Variants in ARHGAP10 observed in about 807,000 individuals in gnomAD.
ARHGAP10 encodes the protein Rho GTPase activating protein 10.
In ARHGAP10, 87 loss-of-function variants were observed where a neutral mutation model predicts 108.6. The ratio of observed to expected loss-of-function variants is 0.80; its 90% confidence interval spans 0.67 to 0.96. The LOEUF (loss-of-function observed/expected upper bound fraction) is 0.96, where lower values mean the gene tolerates loss of function less well. Ranked by LOEUF, ARHGAP10 falls within the 40% of genes least tolerant of loss-of-function variation. The pLI, the probability that ARHGAP10 is intolerant of heterozygous loss-of-function variation, is 0.00. For missense variants in ARHGAP10, 939 were observed against 954.5 expected, an observed-to-expected ratio of 0.98 and a Z score of 0.21; for synonymous variants, 347 against 341.1, an observed-to-expected ratio of 1.02 and a Z score of -0.19.
At chr4:147,973,254 A>G (rs901963237) in intron 18 of ARHGAP10, among the ~76,000 whole-genome samples, 2 of 152,222 alleles carry the variant, frequency 1.3e-5, no homozygotes, top group African/African-American at 2.4e-5. Context: ...TGAGTTTTAC[A>G]TGGCTCACTG....
chr4:147,906,453 C>G (rs1490826525), intron 10 of ARHGAP10, among the ~76,000 whole-genome samples, 185 bp from the exon 11 acceptor site: 1 of 152,024 alleles, frequency 6.6e-6, no homozygotes, highest in Non-Finnish European at 1.5e-5. Context: ...GGTTATGTAA[C>G]ATTGTGAACA....
chr4:147,907,038 C>T (rs1269709666), intron 11 of ARHGAP10, among the ~76,000 whole-genome samples: 3 of 152,078 alleles, frequency 2.0e-5, no homozygotes, highest in African/African-American at 7.2e-5. Context: ...ACAATAAATG[C>T]CTGCAATGCA....
intron 1 of ARHGAP10, among the ~76,000 whole-genome samples, chr4:147,774,929 G>A (rs1730225904): frequency 6.7e-6 from 1 of 148,564 alleles, no homozygotes; most frequent in African/African-American, 2.5e-5. Flanking sequence ...TTTTTGAGAC[G>A]GAGTTTCGCC....
intron 1 of ARHGAP10, among the ~76,000 whole-genome samples, chr4:147,751,120 A>T (rs1439839512): frequency 6.6e-6 from 1 of 151,518 alleles, no homozygotes; most frequent in Non-Finnish European, 1.5e-5. Flanking sequence ...CAGAGGTTGC[A>T]GTGAGCCCAG....
intron 1 of ARHGAP10, among the ~76,000 whole-genome samples, chr4:147,809,547 G>A (rs1379563523): frequency 4.6e-5 from 7 of 152,166 alleles, no homozygotes; most frequent in Admixed American, 2.6e-4. Flanking sequence ...AAGCTCAGAA[G>A]CATTGTCACC....
chr4:147,781,394 G>A (rs148741613), intron 1 of ARHGAP10, among the ~76,000 whole-genome samples: 1 of 152,240 alleles, frequency 6.6e-6, no homozygotes, highest in African/African-American at 2.4e-5. Context: ...GCTGGACCTG[G>A]CAAGCCAGGA....
chr4:147,900,327 A>G (rs1678019581), intron 10 of ARHGAP10, among the ~76,000 whole-genome samples: 1 of 152,238 alleles, frequency 6.6e-6, no homozygotes, highest in South Asian at 2.1e-4. Context: ...ATTCTTTTAA[A>G]AAGAATTTAT....
At chr4:148,005,493 A>G (rs370218018) in intron 18 of ARHGAP10, among the ~76,000 whole-genome samples, 1 of 152,224 alleles carries the variant, frequency 6.6e-6, no homozygotes, top group East Asian at 1.9e-4. Context: ...AGTATTATCA[A>G]TTATTATGGC....
intron 1 of ARHGAP10, among the ~76,000 whole-genome samples, chr4:147,784,806 A>T (rs1384569013): frequency 2.7e-4 from 1 of 3,718 alleles, no homozygotes; most frequent in Admixed American, 6.0e-3. Context: ...TTATAAATAT[A>T]ATATATTATA....
At chr4:147,998,867 A>G (rs900722024) in intron 18 of ARHGAP10, among the ~76,000 whole-genome samples, 5 of 152,258 alleles carry the variant, frequency 3.3e-5, no homozygotes, top group African/African-American at 1.2e-4. Flanking sequence ...TTAATTGTTG[A>G]AATGTTTATA....
chr4:147,787,123 A>T (rs956818325), intron 1 of ARHGAP10, among the ~76,000 whole-genome samples: 1 of 152,216 alleles, frequency 6.6e-6, no homozygotes, highest in Non-Finnish European at 1.5e-5. Context: ...CAGATGACCA[A>T]GGTGGAAGCT....
In ARHGAP10 at chr4:148,072,311, ACTTTTCATTTGT is replaced by A. The variant is rs1338453797; in HGVS notation, c.*232_*243del. The A allele has an allele frequency of 4.5e-6, 2 of 441,430 alleles. No individual in the cohort carries two copies. Among genetic ancestry groups the A allele is most frequent in the Non-Finnish European group, 7.9e-6 (2 of 252,138 alleles). The allele number at this position is 441,430 out of a possible 1,614,324, so 27.3% of individuals were successfully genotyped here. ...GGGAATGTCAGGATTCGCAAAATGG[ACTTTTCATTTGT>A]CAAGTATTGGGACTTGTGATTTTTA... On this transcript the variant is annotated 3_prime_UTR_variant, in exon 23 of 23. Transcript: ENST00000336498.
chr4:148,072,217 G>C lies in ARHGAP10; in HGVS notation c.*136G>C. The C allele has an allele frequency of 2.1e-6, 1 of 465,624 alleles. No homozygotes were observed. Among genetic ancestry groups the C allele is most frequent in the Non-Finnish European group, 3.7e-6 (1 of 266,692 alleles). The allele number at this position is 465,624 out of a possible 1,614,324, so 28.8% of individuals were successfully genotyped here. On this transcript the variant is annotated 3_prime_UTR_variant, in exon 23 of 23. Coordinates refer to ENST00000336498, the MANE Select transcript of ARHGAP10 (RefSeq NM_024605.4). Reference sequence around the variant, plus strand: ...TTGGGAGTTACCATCATCACAGTCAGCCCTGGGGGTGGGGGGTGGTGGGCA... The same window carrying C: ...TTGGGAGTTACCATCATCACAGTCACCCCTGGGGGTGGGGGGTGGTGGGCA...
chr4:147,741,776 A>ACACACACG (rs1728667551), intron 1 of ARHGAP10, among the ~76,000 whole-genome samples: 1 of 36,328 alleles, frequency 2.8e-5, no homozygotes, highest in Non-Finnish European at 6.6e-5. Context: ...TTACACACAC[A>ACACACACG]CACACACACA....
chr4:147,755,929 G>A (rs1285132060), intron 1 of ARHGAP10, among the ~76,000 whole-genome samples: 1 of 152,022 alleles, frequency 6.6e-6, no homozygotes, highest in African/African-American at 2.4e-5. Flanking sequence ...TAACAGAAGA[G>A]CTGCATGTAA....
intron 1 of ARHGAP10, among the ~76,000 whole-genome samples, chr4:147,811,479 C>G (rs888352260): frequency 6.6e-6 from 1 of 152,110 alleles, no homozygotes; most frequent in Non-Finnish European, 1.5e-5. Flanking sequence ...TCCTGCAGCC[C>G]TGACTGTCCT....
At chr4:148,063,393 A>C in intron 21 of ARHGAP10, 93 bp downstream of exon 21, 1 of 1,511,102 alleles carries the variant, frequency 6.6e-7, no homozygotes, top group Middle Eastern at 1.7e-4. Context: ...CTGCTGGCAA[A>C]AGCTTGCCCA....
At chr4:147,899,876 GTT>G (rs5862818) in intron 10 of ARHGAP10, among the ~76,000 whole-genome samples, 258 of 139,962 alleles carry the variant, frequency 1.8e-3, no homozygotes, top group Middle Eastern at 0.011. Context: ...TACGTGCTGG[GTT>G]TTTTTTTTTT....
At chr4:147,757,568 C>G (rs1285322325) in intron 1 of ARHGAP10, among the ~76,000 whole-genome samples, 1 of 152,208 alleles carries the variant, frequency 6.6e-6, no homozygotes, top group Non-Finnish European at 1.5e-5. Flanking sequence ...TGTCCATCAT[C>G]TAGATTTCCC....
Sources: allele counts gnomAD v4.1 joint callset (sites outside exome capture counted in the v4.1 genomes callset), GRCh38; gene constraint gnomAD v4.1.1; transcripts MANE v1.5; gene names NCBI Gene and HGNC (gene_info 2026-07-23, HGNC 2026-07-21).